SLC24A2: variants seen among roughly 807,000 people sequenced by gnomAD.
SLC24A2 encodes the protein solute carrier family 24 member 2, also known as sodium/potassium/calcium exchanger 2.
SLC24A2 carries 36 observed loss-of-function variants against 62.0 expected under a neutral mutation model. The observed-to-expected ratio is 0.58, with a 90% CI of 0.44 to 0.77. SLC24A2 has a LOEUF of 0.77. SLC24A2 is among the 30% of genes least tolerant of loss of function. SLC24A2 has a pLI of 0.00. For missense variants in SLC24A2, 846 were observed against 817.9 expected (o/e 1.03, Z -0.42); for synonymous variants, 358 against 294.0 (o/e 1.22, Z -2.23).
At position 19,695,679 on chromosome 9, in the gene SLC24A2, C is replaced by CAA. The variant is rs66668393; in HGVS notation, c.931-73382_931-73381dup. ...TCATAGCAGCATTGCTTGTTAGTAG[C>CAA]AAAAAAAAAAAAAAAAAAAAAAAAC... On this transcript the variant is annotated intron_variant, in intron 2 of 10. Coordinates refer to ENST00000341998, the MANE Select transcript of SLC24A2 (RefSeq NM_020344.4). Among the ~76,000 whole-genome samples the CAA allele has an allele frequency of 7.8e-3, 574 of 73,460 alleles. 1 individual carries two copies. Among genetic ancestry groups the CAA allele is most frequent in the South Asian group, 0.017 (25 of 1,506 alleles). 48.2% of individuals were successfully genotyped at this position (73,460 alleles called of 152,430 possible).
chr9:20,287,986 G>C, the SLC24A2 span, among the ~76,000 whole-genome samples: 1 of 151,664 alleles, frequency 6.6e-6, no homozygotes, highest in Non-Finnish European at 1.5e-5. Flanking sequence ...CAAACAATTT[G>C]ATAACACTTT....
chr9:19,916,197 C>T, the SLC24A2 span, among the ~76,000 whole-genome samples: 1 of 151,958 alleles, frequency 6.6e-6, no homozygotes, highest in African/African-American at 2.4e-5. Flanking sequence ...GGAATCCTTG[C>T]AAAACATTTA....
the SLC24A2 span, among the ~76,000 whole-genome samples, chr9:20,105,051 T>C: frequency 1.3e-5 from 2 of 152,214 alleles, no homozygotes; most frequent in South Asian, 2.1e-4. Flanking sequence ...TGCAATCCTA[T>C]TCTCTGATAA....
At position 19,780,503 on chromosome 9, in the gene SLC24A2, T is replaced by C. The variant is rs192117845; in HGVS notation, c.930+5434A>G. Among the ~76,000 whole-genome samples the C allele has an allele frequency of 3.1e-3, 471 of 151,830 alleles. 6 individuals are homozygous for C. The highest frequency in any genetic ancestry group is 0.027 in the Admixed American group (417 of 15,288). The stretch of plus-strand genomic sequence containing the variant: ...GGCTGGTTTTGAACTCCTGACCTTG[T>C]GATGCACCTGCCTCGGCCTCCCAAA... On this transcript the variant is annotated intron_variant, in intron 2 of 10. Coordinates refer to ENST00000341998, the MANE Select transcript of SLC24A2 (RefSeq NM_020344.4).
the SLC24A2 span, among the ~76,000 whole-genome samples, chr9:19,860,395 A>G: frequency 1.3e-5 from 2 of 152,092 alleles, no homozygotes; most frequent in African/African-American, 4.8e-5. Flanking sequence ...GGCAGGATTA[A>G]TCACCTAACT....
chr9:19,595,136 C>T (rs996675174), intron 5 of SLC24A2, among the ~76,000 whole-genome samples: 2 of 152,202 alleles, frequency 1.3e-5, no homozygotes, highest in Admixed American at 6.5e-5. Flanking sequence ...ACACTGTCTA[C>T]TCCATCCCTC....
At chr9:19,607,382 T>C (rs935626393) in intron 4 of SLC24A2, among the ~76,000 whole-genome samples, 1 of 152,178 alleles carries the variant, frequency 6.6e-6, no homozygotes, top group Non-Finnish European at 1.5e-5. Flanking sequence ...ATTGTCCTTT[T>C]CCTTCTTCAT....
chr9:19,967,990 T>C, the SLC24A2 span: 1 of 152,190 alleles, frequency 6.6e-6, no homozygotes, highest in Non-Finnish European at 1.5e-5. Context: ...AGAGTTCAAC[T>C]TCACTAATGG....
the SLC24A2 span, among the ~76,000 whole-genome samples, chr9:19,999,508 T>C: frequency 1.3e-5 from 2 of 152,204 alleles, no homozygotes; most frequent in South Asian, 4.1e-4. Flanking sequence ...ACTAATGATT[T>C]ACAATAAATA....
the SLC24A2 span, among the ~76,000 whole-genome samples, chr9:20,300,788 C>T: frequency 6.6e-6 from 1 of 152,154 alleles, no homozygotes; most frequent in Admixed American, 6.5e-5. Context: ...ATTAAAGACT[C>T]TTGGGGACCA....
chr9:19,637,809 C>T (rs1818397441), intron 2 of SLC24A2, among the ~76,000 whole-genome samples: 1 of 152,154 alleles, frequency 6.6e-6, no homozygotes, highest in Non-Finnish European at 1.5e-5. Flanking sequence ...TGGTAAAATG[C>T]CATTTCCCAT....
intron 2 of SLC24A2, among the ~76,000 whole-genome samples, chr9:19,703,046 C>G (rs1488064877): frequency 6.6e-6 from 1 of 151,942 alleles, no homozygotes; most frequent in Admixed American, 6.6e-5. Context: ...GTAAAAGTTC[C>G]TGAGCTTGAG....
chr9:20,288,391 A>G, the SLC24A2 span, among the ~76,000 whole-genome samples: 1 of 151,982 alleles, frequency 6.6e-6, no homozygotes, highest in African/African-American at 2.4e-5. Context: ...CTCCTCTTGC[A>G]TCTAGAGGAT....
intron 6 of SLC24A2, among the ~76,000 whole-genome samples, chr9:19,575,571 G>C (rs141275669): frequency 8.5e-5 from 13 of 152,280 alleles, no homozygotes; most frequent in African/African-American, 3.1e-4. Context: ...GACTTACTTT[G>C]AAAAGCATTA....
chr9:19,691,912 C>T (rs1425002387), intron 2 of SLC24A2, among the ~76,000 whole-genome samples: 1 of 152,112 alleles, frequency 6.6e-6, no homozygotes, highest in East Asian at 1.9e-4. Flanking sequence ...TACCCCTCCC[C>T]TCTGCTCAGG....
At chr9:19,590,594 C>T (rs895082676) in intron 5 of SLC24A2, among the ~76,000 whole-genome samples, 3 of 152,102 alleles carry the variant, frequency 2.0e-5, no homozygotes, top group Admixed American at 6.5e-5. Flanking sequence ...TCCTGAAGAT[C>T]GTAGAACCTA....
the SLC24A2 span, among the ~76,000 whole-genome samples, chr9:19,847,006 A>G: frequency 1.3e-5 from 2 of 152,146 alleles, no homozygotes; most frequent in Admixed American, 1.3e-4. Context: ...TGGGTGACAG[A>G]GCAAAATCCA....
intron 2 of SLC24A2, among the ~76,000 whole-genome samples, chr9:19,725,330 A>G (rs1298012350): frequency 1.3e-5 from 2 of 152,144 alleles, no homozygotes; most frequent in African/African-American, 4.8e-5. Flanking sequence ...ATTACATATA[A>G]CTCAATCAGT....
chr9:20,184,630 G>T, the SLC24A2 span, among the ~76,000 whole-genome samples: 1 of 152,248 alleles, frequency 6.6e-6, no homozygotes, highest in East Asian at 1.9e-4. Context: ...GTGAAGGAAA[G>T]GAAGCCCTTG....
Sources: gnomAD v4.1 joint callset for allele counts (sites outside exome capture counted in the v4.1 genomes callset) on GRCh38, gnomAD v4.1.1 for gene constraint, MANE v1.5 for transcripts, NCBI Gene and HGNC (gene_info 2026-07-23, HGNC 2026-07-21) for gene names.